ADORA2B: variants seen among roughly 807,000 people sequenced by gnomAD.
ADORA2B encodes adenosine receptor A2b.
In ADORA2B, 18 loss-of-function variants were observed where a neutral mutation model predicts 20.8. The ratio of observed to expected loss-of-function variants is 0.87; its 90% confidence interval spans 0.60 to 1.29. The LOEUF is 1.29. Ranked by LOEUF, ADORA2B falls within the 50% of genes most tolerant of loss-of-function variation. The pLI, the probability that ADORA2B is intolerant of heterozygous loss-of-function variation, is 0.00. For missense variants in ADORA2B, 441 were observed against 422.7 expected, an observed-to-expected ratio of 1.04 and a Z score of -0.38; for synonymous variants, 179 against 178.3, an observed-to-expected ratio of 1.00 and a Z score of -0.03.
At chr17:15,942,219 G>T (rs752660191), upstream of ADORA2B, among the ~76,000 whole-genome samples, 12 of 152,144 alleles carry the variant, frequency 7.9e-5, no homozygotes, top group Non-Finnish European at 1.5e-4. Flanking sequence ...AGTTTCTGAT[G>T]AATGGTTTAG....
chr17:15,952,780 G>A (rs1026614039), intron 1 of ADORA2B, among the ~76,000 whole-genome samples: 4 of 152,146 alleles, frequency 2.6e-5, no homozygotes, highest in Admixed American at 6.5e-5. Flanking sequence ...CACCTTCCTC[G>A]GATTGGGGAA....
At chr17:15,935,736 T>C in the ADORA2B span, among the ~76,000 whole-genome samples, 13 of 152,278 alleles carry the variant, frequency 8.5e-5, no homozygotes, top group South Asian at 2.5e-3. Flanking sequence ...TTTTCTTTTA[T>C]CTTTTTTCTT....
chr17:15,922,505 A>G, the ADORA2B span, among the ~76,000 whole-genome samples: 2 of 152,134 alleles, frequency 1.3e-5, no homozygotes, highest in Non-Finnish European at 2.9e-5. Flanking sequence ...AACCATCCAG[A>G]TTGGGACATT....
chr17:15,868,429 T>A, the ADORA2B span, among the ~76,000 whole-genome samples: 6 of 139,546 alleles, frequency 4.3e-5, 1 homozygote, highest in Admixed American at 7.2e-5. Context: ...AAGTCTAATT[T>A]ATCAGTCTTT....
At chr17:15,935,707 G>T in the ADORA2B span, among the ~76,000 whole-genome samples, 1 of 151,616 alleles carries the variant, frequency 6.6e-6, no homozygotes, top group Non-Finnish European at 1.5e-5. Context: ...ATATCTCCAA[G>T]GTCTCTGAAA....
At chr17:15,916,796 A>G in the ADORA2B span, among the ~76,000 whole-genome samples, 51 of 152,332 alleles carry the variant, frequency 3.3e-4, no homozygotes, top group Non-Finnish European at 8.8e-5. Context: ...CTCCCTTAGA[A>G]GGGGTTGTGG....
chr17:15,865,109 T>C, the ADORA2B span, among the ~76,000 whole-genome samples: 4 of 152,202 alleles, frequency 2.6e-5, no homozygotes, highest in Admixed American at 6.5e-5. Context: ...CAGAGTTGTT[T>C]GCATTTAGTT....
Position 15,965,015 on chromosome 17 carries a change from G to A in ADORA2B, c.336-9664G>A, listed in dbSNP as rs188085686. On this transcript the variant is annotated intron_variant, in intron 1 of 1. Coordinates refer to ENST00000304222, the MANE Select transcript of ADORA2B (RefSeq NM_000676.4). ...GCGGAGCTTGCAGTGAGCCGAGATC[G>A]TGCCACTGCGCTCCAGCCTGGGCGA... is the stretch of plus-strand genomic sequence containing the variant. 6.4e-3 allele frequency among the ~76,000 whole-genome samples: 974 copies of A among 152,214 alleles called. 12 individuals are homozygous for A. The highest frequency in any genetic ancestry group is 5.8e-3 in the Admixed American group (89 of 15,298).
At chr17:15,855,025 G>T in the ADORA2B span, among the ~76,000 whole-genome samples, 4 of 151,868 alleles carry the variant, frequency 2.6e-5, no homozygotes, top group African/African-American at 9.7e-5. Context: ...CACCTCCTGG[G>T]TTCAAGCAAT....
the ADORA2B span, among the ~76,000 whole-genome samples, chr17:15,883,296 T>TA: frequency 6.6e-6 from 1 of 152,220 alleles, no homozygotes; most frequent in Non-Finnish European, 1.5e-5. Flanking sequence ...TTTCTCTTAC[T>TA]AAAAATATTC....
At chr17:15,954,753 T>G (rs1429958684) in intron 1 of ADORA2B, among the ~76,000 whole-genome samples, 1 of 152,112 alleles carries the variant, frequency 6.6e-6, no homozygotes, top group Non-Finnish European at 1.5e-5. Flanking sequence ...GGCAACAGAG[T>G]GAGACCCTGT....
the ADORA2B span, among the ~76,000 whole-genome samples, chr17:15,866,694 T>TCTGCCTCTGCCTCTGCCGCTGCCG: frequency 1.4e-5 from 2 of 143,792 alleles, no homozygotes; most frequent in Non-Finnish European, 3.0e-5. Flanking sequence ...TCCCTCTGCC[T>TCTGCCTCTGCCTCTGCCGCTGCCG]CTGCCTCTGC....
the ADORA2B span, among the ~76,000 whole-genome samples, chr17:15,912,964 G>T: frequency 6.6e-6 from 1 of 152,198 alleles, no homozygotes; most frequent in Admixed American, 6.5e-5. Context: ...TTATTCCTGC[G>T]CCTCTGTAGC....
intron 1 of ADORA2B, among the ~76,000 whole-genome samples, chr17:15,954,681 C>T (rs978210233): frequency 1.3e-5 from 2 of 152,186 alleles, no homozygotes; most frequent in African/African-American, 2.4e-5. Context: ...GCAGGAGGAT[C>T]GCTTGAGCCC....
the ADORA2B span, among the ~76,000 whole-genome samples, chr17:15,892,271 C>G: frequency 6.6e-6 from 1 of 151,928 alleles, no homozygotes; most frequent in Non-Finnish European, 1.5e-5. Context: ...CAGGGTCAAG[C>G]GATTCTCCTG....
the ADORA2B span, among the ~76,000 whole-genome samples, chr17:15,890,837 G>T: frequency 6.6e-6 from 1 of 152,204 alleles, no homozygotes; most frequent in South Asian, 2.1e-4. Flanking sequence ...AAAGGAGGAT[G>T]CTATGAAGAG....
the ADORA2B span, among the ~76,000 whole-genome samples, chr17:15,898,453 CTT>C: frequency 0.043 from 5,510 of 127,348 alleles, 234 homozygotes; most frequent in African/African-American, 0.12. Flanking sequence ...TAATCTCCCA[CTT>C]TTTTTTTTTT....
the ADORA2B span, among the ~76,000 whole-genome samples, chr17:15,879,020 T>C: frequency 0.081 from 12,374 of 152,078 alleles, 1,409 homozygotes; most frequent in African/African-American, 0.25. Context: ...TTTTTATAAC[T>C]CTTATTGATG....
intron 1 of ADORA2B, among the ~76,000 whole-genome samples, chr17:15,947,685 C>A (rs562568024): frequency 6.6e-6 from 1 of 152,198 alleles, no homozygotes; most frequent in African/African-American, 2.4e-5. Context: ...GAGAGGTGTA[C>A]TAGGGCCCCC....
Sources: gnomAD v4.1 joint callset for allele counts (sites outside exome capture counted in the v4.1 genomes callset) on GRCh38, gnomAD v4.1.1 for gene constraint, MANE v1.5 for transcripts, NCBI Gene and HGNC (gene_info 2026-07-23, HGNC 2026-07-21) for gene names.